The following TENM4 variants were observed in gnomAD, a reference collection of about 807,000 sequenced individuals.
The protein encoded by TENM4 is teneurin-4.
Under a neutral mutation model 243.3 loss-of-function variants are expected in TENM4, and 82 were observed. That is an observed-to-expected ratio of 0.34 (90% CI 0.28 to 0.40). TENM4 has a LOEUF of 0.40. Ranked by LOEUF, TENM4 falls within the 10% of genes least tolerant of loss-of-function variation. The pLI is 1.00. For missense variants in TENM4, 3,138 were observed against 3,673.3 expected, an observed-to-expected ratio of 0.85 and a Z score of 3.77; for synonymous variants, 1,412 against 1,456.3, an observed-to-expected ratio of 0.97 and a Z score of 0.69.
At chr11:79,148,827 C>T (rs1218517697) in intron 3 of TENM4, 21 bp from the exon 4 acceptor site, 1 of 901,010 alleles carries the variant, frequency 1.1e-6, no homozygotes. Flanking sequence ...AGACAAGAGA[C>T]AAATCAGTCA....
intron 1 of TENM4, among the ~76,000 whole-genome samples, chr11:79,398,922 T>C (rs1273121160): frequency 6.6e-6 from 1 of 151,550 alleles, no homozygotes; most frequent in Non-Finnish European, 1.5e-5. Flanking sequence ...AGGTAGGAAT[T>C]GGCTAAGTGG....
chr11:78,787,041 C>T lies in TENM4; in HGVS notation c.2222G>A (p.Gly741Glu), dbSNP rs1171983399. The T allele has an allele frequency of 1.3e-6, 2 of 1,553,046 alleles. No homozygotes were observed. The highest frequency in any genetic ancestry group is 2.4e-5 in the East Asian group (1 of 41,076). Residue 741 changes from glycine to glutamate, a missense_variant, in exon 16 of 34, where the codon GGG (glycine) becomes GAG (glutamate). Gly to Glu is a moderately conservative substitution (Grantham distance 98). This residue lies in a region of TENM4 where 2,467 missense variants were observed against 3,059.1 expected (regional missense o/e 0.81). Transcript: ENST00000278550. ...GCCATCCTCGCAGCGGCAGGTGCCC[C>T]CTACGCACACGCCATGGCCACCACA... ...ADCGGHGVCV[G>E]GTCRCEDGWM...
intron 3 of TENM4, among the ~76,000 whole-genome samples, chr11:79,177,647 G>A (rs532611670): frequency 6.6e-6 from 1 of 152,186 alleles, no homozygotes; most frequent in Non-Finnish European, 1.5e-5. Flanking sequence ...GTTAGGGCGG[G>A]AATGTCTCTC....
At chr11:78,935,100 T>C (rs911001391) in intron 6 of TENM4, among the ~76,000 whole-genome samples, 2 of 140,300 alleles carry the variant, frequency 1.4e-5, no homozygotes, top group Non-Finnish European at 3.0e-5. Flanking sequence ...CAAGCTCCGC[T>C]TCCCGGGTTC....
intron 3 of TENM4, among the ~76,000 whole-genome samples, chr11:79,192,027 G>GAGGAGCCCCTCTGCCCAGCC (rs575835146): frequency 3.3e-5 from 5 of 151,680 alleles, no homozygotes; most frequent in Admixed American, 6.6e-5. Context: ...ACTGGGAAGT[G>GAGGAGCCCCTCTGCCCAGCC]AGGAGCCCCT....
intron 3 of TENM4, among the ~76,000 whole-genome samples, chr11:79,162,350 A>C (rs1862766240): frequency 6.6e-6 from 1 of 152,232 alleles, no homozygotes; most frequent in African/African-American, 2.4e-5. Context: ...TACCTTATAG[A>C]AATGTTGTAT....
chr11:78,721,903 C>T (rs1056117165), intron 24 of TENM4, among the ~76,000 whole-genome samples: 5 of 152,120 alleles, frequency 3.3e-5, no homozygotes, highest in African/African-American at 1.2e-4. Context: ...TATGACAGTG[C>T]CCTGGTTCTA....
chr11:78,815,788 CA>C (rs1428351630), intron 12 of TENM4, among the ~76,000 whole-genome samples: 1 of 152,096 alleles, frequency 6.6e-6, no homozygotes, highest in Non-Finnish European at 1.5e-5. Flanking sequence ...TACAACAAAA[CA>C]AAACAAAACA....
intron 6 of TENM4, among the ~76,000 whole-genome samples, chr11:78,928,162 C>A (rs1737248320): frequency 6.6e-6 from 1 of 152,208 alleles, no homozygotes; most frequent in South Asian, 2.1e-4. Context: ...CCTTACTCTG[C>A]AGCTCTTTAA....
intron 2 of TENM4, among the ~76,000 whole-genome samples, chr11:79,230,047 G>A (rs1290803617): frequency 6.6e-6 from 1 of 150,390 alleles, no homozygotes; most frequent in East Asian, 2.0e-4. Flanking sequence ...TGTTTCCCAG[G>A]CTGGTTCTAC....
chr11:78,925,220 G>T (rs1856528300), intron 6 of TENM4, among the ~76,000 whole-genome samples: 1 of 152,002 alleles, frequency 6.6e-6, no homozygotes, highest in Non-Finnish European at 1.5e-5. Flanking sequence ...CTTCAGAGTT[G>T]GATGTCTGAG....
At chr11:79,293,667 A>T (rs1856394872) in intron 2 of TENM4, among the ~76,000 whole-genome samples, 1 of 152,008 alleles carries the variant, frequency 6.6e-6, no homozygotes, top group African/African-American at 2.4e-5. Context: ...TGCATGCGAG[A>T]TGGCTATTGT....
chr11:79,418,263 C>A (rs1170331642), intron 1 of TENM4, among the ~76,000 whole-genome samples: 1 of 152,210 alleles, frequency 6.6e-6, no homozygotes, highest in Non-Finnish European at 1.5e-5. Flanking sequence ...TCCATCATTA[C>A]AGAAACCTCT....
At chr11:78,942,164 G>A (rs1448909467) in intron 6 of TENM4, among the ~76,000 whole-genome samples, 4 of 142,600 alleles carry the variant, frequency 2.8e-5, no homozygotes, top group African/African-American at 1.0e-4. Flanking sequence ...TGTAATCCCA[G>A]CACTTTGGGA....
intron 2 of TENM4, among the ~76,000 whole-genome samples, chr11:79,229,621 C>T (rs1864337518): frequency 6.6e-6 from 1 of 152,144 alleles, no homozygotes; most frequent in Admixed American, 6.5e-5. Context: ...TCTTAACCAC[C>T]CTGCTTACCA....
chr11:79,360,999 C>A (rs1857579154), intron 1 of TENM4, among the ~76,000 whole-genome samples: 1 of 152,166 alleles, frequency 6.6e-6, no homozygotes. Flanking sequence ...CTGTCCATGT[C>A]TGATGCCTAG....
intron 6 of TENM4, among the ~76,000 whole-genome samples, chr11:79,044,193 A>G (rs1266260653): frequency 3.9e-5 from 6 of 152,340 alleles, no homozygotes; most frequent in African/African-American, 1.4e-4. Flanking sequence ...ATCTTTCAAC[A>G]CGTTTCAGTT....
chr11:78,967,850 G>A (rs1857468632), intron 6 of TENM4, among the ~76,000 whole-genome samples: 1 of 152,230 alleles, frequency 6.6e-6, no homozygotes. Context: ...CAGGTTTCTA[G>A]AGAGGCAGTC....
chr11:79,304,718 T>C (rs369719418), intron 1 of TENM4, among the ~76,000 whole-genome samples: 32 of 152,252 alleles, frequency 2.1e-4, no homozygotes, highest in African/African-American at 7.5e-4. Flanking sequence ...GGGCCAAAAG[T>C]GAAATCCTAA....
Sources: gnomAD v4.1 joint callset for allele counts (sites outside exome capture counted in the v4.1 genomes callset) on GRCh38, gnomAD v4.1.1 for gene constraint, gnomAD v4.1.1 regional missense constraint, MANE v1.5 for transcripts, NCBI Gene and HGNC (gene_info 2026-07-23, HGNC 2026-07-21) for gene names.